The following SNAI1 variants were observed in gnomAD, a reference collection of about 807,000 sequenced individuals.
The protein encoded by SNAI1 is zinc finger protein SNAI1.
Under a neutral mutation model 24.7 loss-of-function variants are expected in SNAI1, and 15 were observed. That is an observed-to-expected ratio of 0.61 (90% confidence interval 0.41 to 0.93). The LOEUF (loss-of-function observed/expected upper bound fraction) is 0.93, where lower values mean the gene tolerates loss of function less well. Among genes scored for constraint, SNAI1 ranks in the 40% least tolerant of loss-of-function variants. The probability of loss-of-function intolerance (pLI) is 0.00; values close to 1 mark genes in which losing one functional copy is unlikely to be tolerated. For synonymous variants in SNAI1, 163 were observed against 142.9 expected (o/e 1.14, Z -1.00); for missense variants, 283 against 336.7 (o/e 0.84, Z 1.25).
At position 49,987,893 on chromosome 20, in the gene SNAI1, C is replaced by T; in HGVS notation, c.632C>T (p.Pro211Leu). 6.2e-7 allele frequency: 1 copy of T among 1,614,096 alleles called. No individual in the cohort carries two copies. Among genetic ancestry groups the T allele is most frequent in the Non-Finnish European group, 8.5e-7 (1 of 1,180,000 alleles). Residue 211 changes from proline to leucine, a missense_variant, in exon 3 of 3, where the codon CCC becomes CTC. Transcript: ENST00000244050. Reference sequence around the variant, plus strand: ...CCAGGCGAGAAGCCCTTCTCCTGTCCCCACTGCAGCCGTGCCTTCGCTGAC... The same window carrying T: ...CCAGGCGAGAAGCCCTTCTCCTGTCTCCACTGCAGCCGTGCCTTCGCTGAC... ...THTGEKPFSC[P>L]HCSRAFADRS...
In SNAI1 at chr20:49,983,881, C is replaced by T. The variant is rs1259181798; in HGVS notation, c.140C>T (p.Pro47Leu). ...CACCTGCTGGCAGCCATCCCACCTC[C>T]GGAGATCCTCAACCCCACCGCCTCG... is the stretch of plus-strand genomic sequence containing the variant. ...QAHLLAAIPP[P>L]EILNPTASLP... Residue 47 changes from proline to leucine, a missense_variant, in exon 2 of 3, where the codon CCG becomes CTG. Physicochemically the swap from Pro to Leu is moderately conservative, Grantham distance 98 (BLOSUM62 -3). Coordinates refer to ENST00000244050, the MANE Select transcript of SNAI1 (RefSeq NM_005985.4). 33 of 1,612,524 alleles carry T rather than the reference C, an allele frequency of 2.0e-5. No homozygotes were observed. Among genetic ancestry groups the T allele is most frequent in the Non-Finnish European group, 2.8e-5 (33 of 1,179,686 alleles).
Position 49,984,110 on chromosome 20 carries a change from C to A in SNAI1, c.369C>A (p.Ala123=). ...FSSTSVSSLE[A]EAYAAFPGLG... Reference sequence around the variant, plus strand: ...CTACTTCAGTCTCTTCCTTGGAGGCCGAGGCCTATGCTGCCTTCCCAGGCT... The same window carrying A: ...CTACTTCAGTCTCTTCCTTGGAGGCAGAGGCCTATGCTGCCTTCCCAGGCT... Residue 123 remains alanine (A), a synonymous_variant, in exon 2 of 3, where the codon GCC becomes GCA. Coordinates refer to ENST00000244050, the MANE Select transcript of SNAI1 (RefSeq NM_005985.4). 6.2e-7 allele frequency: 1 copy of A among 1,614,208 alleles called. No homozygotes were observed. Among genetic ancestry groups the A allele is most frequent in the Non-Finnish European group, 8.5e-7 (1 of 1,180,038 alleles).
In SNAI1 at chr20:49,983,066, C is replaced by T; in HGVS notation, c.7C>T (p.Arg3Cys). 1 of 1,613,446 alleles carries T rather than the reference C, an allele frequency of 6.2e-7. No homozygotes were observed. The highest frequency in any genetic ancestry group is 8.5e-7 in the Non-Finnish European group (1 of 1,179,772). Residue 3 changes from arginine to cysteine, a missense_variant, in exon 1 of 3, where the codon CGC becomes TGC. Physicochemically the swap from Arg to Cys is radical, Grantham distance 180 (BLOSUM62 -3). Coordinates refer to ENST00000244050, the MANE Select transcript of SNAI1 (RefSeq NM_005985.4). The stretch of plus-strand genomic sequence containing the variant: ...CCCCAGTGCCTCGACCACTATGCCG[C>T]GCTCTTTCCTCGTCAGGAAGCCCTC... Reference protein sequence around the residue: MPRSFLVRKPSDP... With the variant: MPCSFLVRKPSDP...
At position 49,984,378 on chromosome 20, in the gene SNAI1, C is replaced by G. The variant is rs769392357; in HGVS notation, c.610+27C>G. On this transcript the variant is annotated intron_variant, in intron 2 of 2. Transcript: ENST00000244050. Reference sequence around the variant, plus strand: ...TACGTGCCCCTCCAGGCGCCCCCACCGTTGCTCTCTCTGGCAGCTTTTGTG... The same window carrying G: ...TACGTGCCCCTCCAGGCGCCCCCACGGTTGCTCTCTCTGGCAGCTTTTGTG... 5.8e-6 allele frequency: 9 copies of G among 1,549,858 alleles called. No homozygotes were observed. In the Admixed American group the frequency reaches 7.9e-5, roughly 14 times the overall value.
In SNAI1 at chr20:49,984,037, G is replaced by T; in HGVS notation, c.296G>T (p.Gly99Val). Residue 99 changes from glycine to valine, a missense_variant, in exon 2 of 3, where the codon GGC becomes GTC. Coordinates refer to ENST00000244050, the MANE Select transcript of SNAI1 (RefSeq NM_005985.4). The stretch of plus-strand genomic sequence containing the variant: ...CTGTCAGATGAGGACAGTGGGAAAG[G>T]CTCCCAGCCCCCCAGCCCACCCTCA... Reference protein sequence around the residue: ...TSLSDEDSGKGSQPPSPPSPA... With the variant: ...TSLSDEDSGKVSQPPSPPSPA... 6.2e-7 allele frequency: 1 copy of T among 1,613,628 alleles called. No homozygotes were observed. Among genetic ancestry groups the T allele is most frequent in the South Asian group, 1.1e-5 (1 of 91,032 alleles).
In SNAI1 at chr20:49,984,073, C is replaced by T. The variant is rs762332137; in HGVS notation, c.332C>T (p.Ser111Leu). 21 of 1,614,068 alleles carry T rather than the reference C, an allele frequency of 1.3e-5. No homozygotes were observed. The East Asian group carries it at 4.2e-4, about 33-fold the overall frequency. Residue 111 changes from serine (S) to leucine (L), a missense_variant, in exon 2 of 3, where the codon TCG becomes TTG. Transcript: ENST00000244050. ...QPPSPPSPAP[S>L]SFSSTSVSSL... is the part of the protein sequence containing the mutation. Reference sequence around the variant, plus strand: ...CCCAGCCCACCCTCACCGGCTCCTTCGTCCTTCTCCTCTACTTCAGTCTCT... The same window carrying T: ...CCCAGCCCACCCTCACCGGCTCCTTTGTCCTTCTCCTCTACTTCAGTCTCT...
At chr20:49,987,471 G>C (rs1314504996) in intron 2 of SNAI1, among the ~76,000 whole-genome samples, 2 of 152,192 alleles carry the variant, frequency 1.3e-5, no homozygotes, top group Non-Finnish European at 2.9e-5. Context: ...CAGTTTCACT[G>C]TCTCTGAAAT....
chr20:49,986,162 C>CT (rs2078333304), intron 2 of SNAI1, among the ~76,000 whole-genome samples: 1 of 152,190 alleles, frequency 6.6e-6, no homozygotes, highest in Non-Finnish European at 1.5e-5. Context: ...CAAGGGTGAA[C>CT]TTACCCTTCT....
chr20:49,984,964 C>T (rs2078329354), intron 2 of SNAI1, among the ~76,000 whole-genome samples: 1 of 152,110 alleles, frequency 6.6e-6, no homozygotes, highest in Non-Finnish European at 1.5e-5. Flanking sequence ...GGGCAAGCAA[C>T]TTAACCTCTC....
chr20:49,987,788 G>C (rs1430752660), intron 2 of SNAI1, 84 bp from the exon 3 acceptor site: 4 of 1,288,334 alleles, frequency 3.1e-6, no homozygotes, highest in South Asian at 2.4e-5. Flanking sequence ...TTCTTTCAGG[G>C]TTTGGGGTAT....
At chr20:49,983,718 A>T in intron 1 of SNAI1, 106 bp from the exon 2 acceptor site, 5 of 1,107,072 alleles carry the variant, frequency 4.5e-6, no homozygotes, top group Non-Finnish European at 6.4e-6. Context: ...TGATCTAATT[A>T]TGTATTGAGA....
chr20:49,983,236 G>A, intron 1 of SNAI1, 95 bp downstream of exon 1: 2 of 947,176 alleles, frequency 2.1e-6, no homozygotes, highest in Non-Finnish European at 3.4e-6. Context: ...CCTGAGCCAG[G>A]ATCGAGTCAC....
intron 2 of SNAI1, 72 bp from the exon 3 acceptor site, chr20:49,987,800 C>G: frequency 1.4e-6 from 2 of 1,390,014 alleles, no homozygotes; most frequent in Non-Finnish European, 2.0e-6. Context: ...TTGGGGTATG[C>G]GGGGAGGGAT....
chr20:49,985,799 G>A (rs988467216), intron 2 of SNAI1, among the ~76,000 whole-genome samples: 5 of 152,198 alleles, frequency 3.3e-5, no homozygotes, highest in African/African-American at 4.8e-5. Flanking sequence ...CGGGGATATC[G>A]CATGTACAGT....
intron 1 of SNAI1, among the ~76,000 whole-genome samples, 181 bp downstream of exon 1, chr20:49,983,322 G>A (rs2078322761): frequency 6.6e-6 from 1 of 151,810 alleles, no homozygotes; most frequent in Admixed American, 6.6e-5. Context: ...TGTCTGGGTG[G>A]TTGGGGGAGT....
intron 2 of SNAI1, among the ~76,000 whole-genome samples, chr20:49,987,429 C>T (rs955472783): frequency 2.0e-5 from 3 of 152,164 alleles, no homozygotes; most frequent in East Asian, 1.9e-4. Flanking sequence ...GGGGTCCTGC[C>T]AGGGGAACCT....
In SNAI1 at chr20:49,988,071, T is replaced by C. The variant is rs2078339959; in HGVS notation, c.*15T>C. 4 of 1,574,950 alleles carry C rather than the reference T, an allele frequency of 2.5e-6. No homozygotes were observed. The highest frequency in any genetic ancestry group is 3.5e-6 in the Non-Finnish European group (4 of 1,157,260). On this transcript the variant is annotated 3_prime_UTR_variant, in exon 3 of 3. Transcript: ENST00000244050. Reference sequence around the variant, plus strand: ...GTCCCCGCTGACCCTCGAGGCTCCCTCTTCCTCTCCATACCTGCCCCTGCC... The same window carrying C: ...GTCCCCGCTGACCCTCGAGGCTCCCCCTTCCTCTCCATACCTGCCCCTGCC...
At position 49,983,014 on chromosome 20, in the gene SNAI1, C is replaced by G. The variant is rs761971001; in HGVS notation, c.-46C>G. 1 of 1,389,312 alleles carries G rather than the reference C, an allele frequency of 7.2e-7. No individual in the cohort carries two copies. Among genetic ancestry groups the G allele is most frequent in the African/African-American group, 1.4e-5 (1 of 70,832 alleles). The allele number at this position is 1,389,312 out of a possible 1,614,324, so 86.1% of individuals were successfully genotyped here. ...CGGCACGGCCTAGCGAGTGGTTCTT[C>G]TGCGCTACTGCTGCGCGAATCGGCG... On this transcript the variant is annotated 5_prime_UTR_variant, in exon 1 of 3. Coordinates refer to ENST00000244050, the MANE Select transcript of SNAI1 (RefSeq NM_005985.4).
chr20:49,983,493 G>A (rs1439221834), intron 1 of SNAI1, among the ~76,000 whole-genome samples: 2 of 151,082 alleles, frequency 1.3e-5, no homozygotes, highest in Non-Finnish European at 3.0e-5. Flanking sequence ...GGAGGGGTGG[G>A]GAGACGAGAT....
Sources: gnomAD v4.1 joint callset for allele counts (sites outside exome capture counted in the v4.1 genomes callset) on GRCh38, gnomAD v4.1.1 for gene constraint, MANE v1.5 for transcripts, NCBI Gene and HGNC (gene_info 2026-07-23, HGNC 2026-07-21) for gene names.